The following ANKRD33B variants were observed in gnomAD, a reference collection of about 807,000 sequenced individuals.
ANKRD33B encodes ankyrin repeat domain-containing protein 33B.
A neutral mutation model predicts 21.5 loss-of-function variants in ANKRD33B; 6 were observed. The ratio of observed to expected loss-of-function variants is 0.28; its 90% CI spans 0.15 to 0.55. The LOEUF (loss-of-function observed/expected upper bound fraction) is 0.55. ANKRD33B is among the 20% of genes least tolerant of loss of function. ANKRD33B has a pLI of 0.94. For synonymous variants in ANKRD33B, 347 were observed against 342.4 expected (o/e 1.01, Z -0.15); for missense variants, 698 against 747.2 (o/e 0.93, Z 0.77).
intron 3 of ANKRD33B, among the ~76,000 whole-genome samples, chr5:10,646,711 C>T (rs1476456738): frequency 6.6e-6 from 1 of 152,198 alleles, no homozygotes; most frequent in African/African-American, 2.4e-5. Context: ...TTTACTGCCC[C>T]CTTTTCATTT....
At chr5:10,583,617 G>A (rs927973992) in intron 1 of ANKRD33B, among the ~76,000 whole-genome samples, 2 of 152,170 alleles carry the variant, frequency 1.3e-5, no homozygotes, top group African/African-American at 4.8e-5. Context: ...GTGAACCTGA[G>A]TGCCTTCTTA....
intron 1 of ANKRD33B, among the ~76,000 whole-genome samples, chr5:10,603,845 C>A (rs1735982246): frequency 6.6e-6 from 1 of 151,010 alleles, no homozygotes; most frequent in African/African-American, 2.4e-5. Context: ...AAGATTATAC[C>A]ATAGAAAAAT....
At chr5:10,648,680 A>G (rs963877352) in intron 3 of ANKRD33B, among the ~76,000 whole-genome samples, 6 of 150,640 alleles carry the variant, frequency 4.0e-5, no homozygotes, top group Non-Finnish European at 7.4e-5. Flanking sequence ...AGTCGCTTGA[A>G]CCCGGGAGGC....
At chr5:10,634,206 C>G (rs1736801461) in intron 2 of ANKRD33B, among the ~76,000 whole-genome samples, 1 of 152,212 alleles carries the variant, frequency 6.6e-6, no homozygotes, top group Non-Finnish European at 1.5e-5. Flanking sequence ...TTGAACCTGG[C>G]TGTTCTCAGA....
At chr5:10,589,515 A>C (rs889543630) in intron 1 of ANKRD33B, among the ~76,000 whole-genome samples, 3 of 152,214 alleles carry the variant, frequency 2.0e-5, no homozygotes, top group African/African-American at 7.2e-5. Flanking sequence ...CCAACTTGTC[A>C]AAAAATGACA....
chr5:10,580,407 G>A (rs1735419081), intron 1 of ANKRD33B, among the ~76,000 whole-genome samples: 5 of 152,188 alleles, frequency 3.3e-5, no homozygotes, highest in Admixed American at 3.3e-4. Context: ...ACCCCTTGCT[G>A]GGGCAGCAGG....
chr5:10,641,009 T>C (rs1048868582), intron 3 of ANKRD33B, among the ~76,000 whole-genome samples: 1 of 152,150 alleles, frequency 6.6e-6, no homozygotes, highest in Non-Finnish European at 1.5e-5. Flanking sequence ...CTTAATACTA[T>C]TCCAGTGGGT....
Position 10,566,463 on chromosome 5 carries a change from A to G in ANKRD33B, c.366+1630A>G, listed in dbSNP as rs890617608. Among the ~76,000 whole-genome samples the G allele has an allele frequency of 9.9e-5, 15 of 152,234 alleles. 1 individual carries two copies. Among genetic ancestry groups the G allele is most frequent in the Admixed American group, 7.8e-4 (12 of 15,304 alleles). On this transcript the variant is annotated intron_variant, in intron 1 of 3. Transcript: ENST00000296657. ...GGCCCGCTTTAAAGGAAGCCTCACC[A>G]AGCTCATAAAGGAACAGGTGGGGTG...
chr5:10,604,805 CTG>C (rs1343630071), intron 1 of ANKRD33B, among the ~76,000 whole-genome samples: 1 of 152,074 alleles, frequency 6.6e-6, no homozygotes, highest in African/African-American at 2.4e-5. Context: ...AAAATTGTAA[CTG>C]GATTTTGTCA....
chr5:10,617,791 C>T (rs565141559), intron 1 of ANKRD33B, among the ~76,000 whole-genome samples: 7 of 152,324 alleles, frequency 4.6e-5, no homozygotes, highest in African/African-American at 1.4e-4. Context: ...ATGGGCTGCT[C>T]CCTGGATGCA....
At chr5:10,608,466 T>C (rs1331729090) in intron 1 of ANKRD33B, among the ~76,000 whole-genome samples, 2 of 152,046 alleles carry the variant, frequency 1.3e-5, no homozygotes, top group African/African-American at 4.8e-5. Flanking sequence ...GCCTTGGGGC[T>C]GAGGTAGATT....
chr5:10,606,260 GAAT>G (rs1736042462), intron 1 of ANKRD33B, among the ~76,000 whole-genome samples: 1 of 152,156 alleles, frequency 6.6e-6, no homozygotes, highest in Non-Finnish European at 1.5e-5. Flanking sequence ...AAATTGTTTT[GAAT>G]TACTGACAAC....
chr5:10,585,278 C>T (rs1735529199), intron 1 of ANKRD33B, among the ~76,000 whole-genome samples: 1 of 152,200 alleles, frequency 6.6e-6, no homozygotes, highest in Non-Finnish European at 1.5e-5. Context: ...ATTGTGCTTA[C>T]TTAGATCAAT....
chr5:10,615,186 C>A (rs1736256997), intron 1 of ANKRD33B, among the ~76,000 whole-genome samples: 1 of 152,168 alleles, frequency 6.6e-6, no homozygotes, highest in Admixed American at 6.5e-5. Context: ...AACCTGAGCC[C>A]TTTAAGTGCA....
intron 1 of ANKRD33B, among the ~76,000 whole-genome samples, chr5:10,588,270 T>C (rs1465732467): frequency 6.6e-6 from 1 of 152,240 alleles, no homozygotes; most frequent in Non-Finnish European, 1.5e-5. Flanking sequence ...ATAATCTTTT[T>C]TCCTTAGCAC....
At chr5:10,588,142 GATAAC>G (rs1208233979) in intron 1 of ANKRD33B, among the ~76,000 whole-genome samples, 1 of 152,094 alleles carries the variant, frequency 6.6e-6, no homozygotes, top group African/African-American at 2.4e-5. Flanking sequence ...AAAATATTCA[GATAAC>G]ATAAAAAGGT....
At chr5:10,645,535 A>G (rs1010797575) in intron 3 of ANKRD33B, among the ~76,000 whole-genome samples, 4 of 152,176 alleles carry the variant, frequency 2.6e-5, no homozygotes, top group Non-Finnish European at 4.4e-5. Context: ...CTTAAAGAAA[A>G]CAGGCCGCAT....
At chr5:10,629,522 A>G (rs983719050) in intron 2 of ANKRD33B, among the ~76,000 whole-genome samples, 9 of 152,212 alleles carry the variant, frequency 5.9e-5, no homozygotes, top group African/African-American at 2.2e-4. Context: ...CGGAGGAAAG[A>G]TGTTTTGGGT....
At chr5:10,565,190 C>G (rs1735020427) in intron 1 of ANKRD33B, among the ~76,000 whole-genome samples, 1 of 152,238 alleles carries the variant, frequency 6.6e-6, no homozygotes, top group Non-Finnish European at 1.5e-5. Flanking sequence ...GGCCCGGTCC[C>G]CTCCTGACTA....
Sources: allele counts gnomAD v4.1 joint callset (sites outside exome capture counted in the v4.1 genomes callset), GRCh38; gene constraint gnomAD v4.1.1; transcripts MANE v1.5; gene names NCBI Gene and HGNC (gene_info 2026-07-23, HGNC 2026-07-21).